BRINP1: variants seen among roughly 807,000 people sequenced by gnomAD.
The protein encoded by BRINP1 is BMP/retinoic acid inducible neural specific 1.
Under a neutral mutation model 72.9 loss-of-function variants are expected in BRINP1, and 17 were observed. That is an observed-to-expected ratio of 0.23 (90% CI 0.16 to 0.35). BRINP1 has a LOEUF of 0.35. Ranked by LOEUF, BRINP1 falls within the 10% of genes least tolerant of loss-of-function variation. The probability of loss-of-function intolerance (pLI) is 1.00; values close to 1 mark genes in which losing one functional copy is unlikely to be tolerated. For synonymous variants in BRINP1, 418 were observed against 378.5 expected (o/e 1.10, Z -1.21); for missense variants, 850 against 1,001.6 (o/e 0.85, Z 2.04).
intron 1 of BRINP1, among the ~76,000 whole-genome samples, chr9:119,340,077 G>T (rs895265856): frequency 6.6e-6 from 1 of 152,124 alleles, no homozygotes; most frequent in Non-Finnish European, 1.5e-5. Context: ...CCATCTAGAG[G>T]AGGATCCATG....
chr9:119,254,501 G>A (rs928086770), intron 2 of BRINP1, among the ~76,000 whole-genome samples: 1 of 152,104 alleles, frequency 6.6e-6, no homozygotes, highest in East Asian at 1.9e-4. Context: ...AAACATCAAA[G>A]GGCAGCCTAA....
intron 5 of BRINP1, among the ~76,000 whole-genome samples, chr9:119,221,435 T>A (rs570194006): frequency 1.3e-5 from 2 of 152,292 alleles, no homozygotes; most frequent in East Asian, 3.9e-4. Flanking sequence ...GTGTTTCTAT[T>A]GCTGTGAATT....
At chr9:119,355,543 A>G (rs1218004118) in intron 1 of BRINP1, among the ~76,000 whole-genome samples, 3 of 152,202 alleles carry the variant, frequency 2.0e-5, no homozygotes, top group East Asian at 3.9e-4. Context: ...CCTGGCTAAC[A>G]TGGTAAAACC....
intron 7 of BRINP1, among the ~76,000 whole-genome samples, chr9:119,176,670 G>A (rs1213968543): frequency 6.6e-6 from 1 of 152,136 alleles, no homozygotes. Context: ...AAAGAGCCTG[G>A]CACAGAGCAA....
At chr9:119,238,573 C>T in intron 5 of BRINP1, 82 bp downstream of exon 5, 1 of 764,346 alleles carries the variant, frequency 1.3e-6, no homozygotes, top group Middle Eastern at 3.9e-4. Flanking sequence ...CCCTTCACTC[C>T]ATCCCTCCTG....
At chr9:119,346,661 G>A (rs1831456015) in intron 1 of BRINP1, among the ~76,000 whole-genome samples, 1 of 152,086 alleles carries the variant, frequency 6.6e-6, no homozygotes, top group African/African-American at 2.4e-5. Flanking sequence ...TGTAACAATA[G>A]AATCGCAAGA....
chr9:119,274,633 T>G (rs1347272911), intron 2 of BRINP1, among the ~76,000 whole-genome samples: 1 of 152,146 alleles, frequency 6.6e-6, no homozygotes, highest in Non-Finnish European at 1.5e-5. Context: ...ATTTGTAGAA[T>G]GGAAATGATT....
chr9:119,238,533 A>C (rs1830213731), intron 5 of BRINP1, 122 bp downstream of exon 5: 1 of 588,658 alleles, frequency 1.7e-6, no homozygotes, highest in African/African-American at 1.9e-5. Flanking sequence ...AGTTTTCATT[A>C]GATTTTCTAT....
At chr9:119,314,717 A>G (rs1470829329) in intron 1 of BRINP1, among the ~76,000 whole-genome samples, 10 of 152,174 alleles carry the variant, frequency 6.6e-5, no homozygotes, top group Non-Finnish European at 1.0e-4. Flanking sequence ...TCCACTTTGT[A>G]TCTGTTAGAA....
At chr9:119,362,889 T>A (rs1831650951) in intron 1 of BRINP1, among the ~76,000 whole-genome samples, 2 of 152,230 alleles carry the variant, frequency 1.3e-5, no homozygotes. Context: ...TCTTTAGTCC[T>A]CAAACTACCT....
At chr9:119,268,656 C>A (rs1830578170) in intron 2 of BRINP1, among the ~76,000 whole-genome samples, 1 of 152,206 alleles carries the variant, frequency 6.6e-6, no homozygotes, top group African/African-American at 2.4e-5. Flanking sequence ...CATTTGTTTA[C>A]ACCTTATTTC....
intron 1 of BRINP1, among the ~76,000 whole-genome samples, chr9:119,355,373 C>T (rs547960118): frequency 1.4e-4 from 21 of 152,198 alleles, no homozygotes; most frequent in South Asian, 4.1e-4. Context: ...TTTGTACATG[C>T]GACATTCATT....
intron 2 of BRINP1, among the ~76,000 whole-genome samples, chr9:119,296,340 C>T: frequency 6.6e-6 from 1 of 152,060 alleles, no homozygotes; most frequent in Non-Finnish European, 1.5e-5. Flanking sequence ...CCACAATGAG[C>T]TATTACCTTG....
chr9:119,268,088 C>A (rs147278194), intron 2 of BRINP1, among the ~76,000 whole-genome samples: 3,556 of 152,068 alleles, frequency 0.023, 112 homozygotes, highest in African/African-American at 0.079. Context: ...ACTAAAAATA[C>A]AAAACTTAGC....
intron 5 of BRINP1, among the ~76,000 whole-genome samples, chr9:119,235,420 C>G (rs1322054948): frequency 6.6e-6 from 1 of 152,108 alleles, no homozygotes; most frequent in Non-Finnish European, 1.5e-5. Flanking sequence ...ATGCCTCTGT[C>G]CTCCTATTCA....
At chr9:119,269,402 C>T (rs1286654359) in intron 2 of BRINP1, among the ~76,000 whole-genome samples, 1 of 152,134 alleles carries the variant, frequency 6.6e-6, no homozygotes, top group African/African-American at 2.4e-5. Flanking sequence ...GAATTTCTTC[C>T]ACTTCATTTT....
chr9:119,166,870 A>T lies in BRINP1; in HGVS notation c.*214T>A. Reference sequence around the variant, plus strand: ...CCACAAAAGGCTGAGACCCTTCTTCATGACAGAGTGAGTATAGAAATAACA... The same window carrying T: ...CCACAAAAGGCTGAGACCCTTCTTCTTGACAGAGTGAGTATAGAAATAACA... On this transcript the variant is annotated 3_prime_UTR_variant, in exon 8 of 8. Transcript: ENST00000265922. The T allele has an allele frequency of 1.8e-6, 1 of 542,238 alleles. No individual in the cohort carries two copies. Among genetic ancestry groups the T allele is most frequent in the South Asian group, 2.4e-5 (1 of 42,392 alleles). 33.6% of individuals were successfully genotyped at this position (542,238 alleles called of 1,614,324 possible).
chr9:119,283,186 T>C (rs1420564661), intron 2 of BRINP1: 2 of 984,784 alleles, frequency 2.0e-6, no homozygotes, highest in Non-Finnish European at 2.4e-6. Flanking sequence ...AGTGTTTCTT[T>C]AGAATGAAGG....
At chr9:119,264,672 C>A (rs1299038643) in intron 2 of BRINP1, among the ~76,000 whole-genome samples, 1 of 152,000 alleles carries the variant, frequency 6.6e-6, no homozygotes, top group Non-Finnish European at 1.5e-5. Flanking sequence ...AAATGTAGCC[C>A]TGATGTTTTT....
Sources: allele counts gnomAD v4.1 joint callset (sites outside exome capture counted in the v4.1 genomes callset), GRCh38; gene constraint gnomAD v4.1.1; transcripts MANE v1.5; gene names NCBI Gene and HGNC (gene_info 2026-07-23, HGNC 2026-07-21).